SEMA6D: variants seen among roughly 807,000 people sequenced by gnomAD.
The protein encoded by SEMA6D is semaphorin 6D, also known as semaphorin-6D.
SEMA6D carries 35 observed loss-of-function variants against 106.6 expected under a neutral mutation model. The observed-to-expected ratio is 0.33, with a 90% CI of 0.25 to 0.44. The LOEUF (loss-of-function observed/expected upper bound fraction) is 0.44, where lower values mean the gene tolerates loss of function less well. SEMA6D is among the 20% of genes least tolerant of loss of function. The probability of loss-of-function intolerance (pLI) is 1.00; values close to 1 mark genes in which losing one functional copy is unlikely to be tolerated. For synonymous variants in SEMA6D, 499 were observed against 487.7 expected, an observed-to-expected ratio of 1.02 and a Z score of -0.31; for missense variants, 1,185 against 1,345.9, an observed-to-expected ratio of 0.88 and a Z score of 1.87.
intron 3 of SEMA6D, among the ~76,000 whole-genome samples, chr15:47,553,369 A>G (rs1384529806): frequency 1.3e-5 from 2 of 152,226 alleles, no homozygotes; most frequent in East Asian, 1.9e-4. Context: ...ATTTAACTAT[A>G]TGGCTGTAAA....
At chr15:47,606,542 C>G (rs576818951) in intron 4 of SEMA6D, among the ~76,000 whole-genome samples, 1 of 152,246 alleles carries the variant, frequency 6.6e-6, no homozygotes, top group African/African-American at 2.4e-5. Context: ...TTCTCTTGGT[C>G]ACAAAGACCA....
intron 1 of SEMA6D, among the ~76,000 whole-genome samples, chr15:47,288,589 G>A (rs2035467561): frequency 1.3e-5 from 2 of 152,148 alleles, no homozygotes; most frequent in Non-Finnish European, 2.9e-5. Context: ...ATGGCCTTTT[G>A]CCATTCAATA....
intron 1 of SEMA6D, among the ~76,000 whole-genome samples, chr15:47,255,366 TTTAC>T (rs1389870048): frequency 1.3e-5 from 2 of 151,878 alleles, no homozygotes; most frequent in Non-Finnish European, 2.9e-5. Context: ...ATGTGTCAAT[TTTAC>T]TTATTTTTTT....
intron 3 of SEMA6D, among the ~76,000 whole-genome samples, chr15:47,507,507 C>T (rs531342068): frequency 1.1e-4 from 17 of 152,318 alleles, no homozygotes; most frequent in African/African-American, 4.1e-4. Context: ...CCTGCCACTC[C>T]AGTGTTGTTC....
chr15:47,289,760 G>A (rs1413630829), intron 1 of SEMA6D, among the ~76,000 whole-genome samples: 3 of 151,930 alleles, frequency 2.0e-5, no homozygotes, highest in African/African-American at 7.3e-5. Context: ...AAAATCTTAG[G>A]GCATTATGAG....
At chr15:47,522,181 T>G (rs1482766521) in intron 3 of SEMA6D, among the ~76,000 whole-genome samples, 2 of 152,240 alleles carry the variant, frequency 1.3e-5, no homozygotes, top group Middle Eastern at 3.2e-3. Context: ...TCCATGCACT[T>G]GGAGTTTAGA....
At chr15:47,553,164 A>G (rs1566883584) in intron 3 of SEMA6D, among the ~76,000 whole-genome samples, 1 of 151,454 alleles carries the variant, frequency 6.6e-6, no homozygotes, top group Non-Finnish European at 1.5e-5. Context: ...TTGACCTCCA[A>G]AAGTGCTGGG....
rs778863863 is a variant in SEMA6D, at chr15:47,770,490, A to G, written c.1934-7A>G. 3.8e-6 allele frequency: 6 copies of G among 1,576,274 alleles called. No homozygotes were observed. Among genetic ancestry groups the G allele is most frequent in the Middle Eastern group, 1.7e-4 (1 of 5,902 alleles). ...CTTATTCACATTGTCCCATGTGTCT[A>G]TTTCAGGTGTACGATGGGAAGTCCA... On this transcript the variant is annotated splice_polypyrimidine_tract_variant and splice_region_variant and intron_variant, in intron 18 of 18. Transcript: ENST00000536845.
chr15:47,229,112 C>T (rs1322698158), intron 1 of SEMA6D, among the ~76,000 whole-genome samples: 1 of 152,028 alleles, frequency 6.6e-6, no homozygotes, highest in Admixed American at 6.6e-5. Flanking sequence ...CTGACTCCAA[C>T]ATGAGGCTCT....
At chr15:47,245,848 GA>G (rs1156837092) in intron 1 of SEMA6D, among the ~76,000 whole-genome samples, 3 of 151,882 alleles carry the variant, frequency 2.0e-5, no homozygotes, top group Admixed American at 2.0e-4. Context: ...TATCCATCAA[GA>G]AAAAAAATTT....
intron 3 of SEMA6D, among the ~76,000 whole-genome samples, chr15:47,598,188 T>C (rs190740296): frequency 3.3e-5 from 5 of 152,218 alleles, no homozygotes; most frequent in African/African-American, 9.6e-5. Flanking sequence ...TTTCCATTTA[T>C]GCAAACTGTA....
rs2082650087 is a variant in SEMA6D, at chr15:47,772,004, A to G, written c.*219A>G. On this transcript the variant is annotated 3_prime_UTR_variant, in exon 19 of 19. Coordinates refer to ENST00000536845, the MANE Select transcript of SEMA6D (RefSeq NM_001358351.3). ...CTGAAAACAAAGGAAGGTGCTGGTC[A>G]TTCCATTTCTTTTGTTTGAAGCTAA... 1 of 545,222 alleles carries G rather than the reference A, an allele frequency of 1.8e-6. No individual in the cohort carries two copies. Among genetic ancestry groups the G allele is most frequent in the Non-Finnish European group, 3.2e-6 (1 of 309,010 alleles). The allele number at this position is 545,222 out of a possible 1,614,324, so 33.8% of individuals were successfully genotyped here.
chr15:47,270,839 C>CA (rs34796429), intron 1 of SEMA6D, among the ~76,000 whole-genome samples: 19,758 of 150,412 alleles, frequency 0.13, 1,671 homozygotes, highest in Middle Eastern at 0.31. Flanking sequence ...ACTAAAAATA[C>CA]AAAAAAAAAG....
At chr15:47,538,304 G>C (rs752822016) in intron 3 of SEMA6D, among the ~76,000 whole-genome samples, 2 of 152,088 alleles carry the variant, frequency 1.3e-5, no homozygotes, top group Non-Finnish European at 2.9e-5. Context: ...GGTATCAATA[G>C]ATATTTACTC....
chr15:47,364,681 C>T (rs909846656), intron 1 of SEMA6D, among the ~76,000 whole-genome samples: 3 of 152,110 alleles, frequency 2.0e-5, no homozygotes, highest in African/African-American at 7.2e-5. Context: ...CGGCCTCTTT[C>T]CAGTGCCCCT....
At chr15:47,550,538 T>G (rs1436525947) in intron 3 of SEMA6D, among the ~76,000 whole-genome samples, 1 of 152,174 alleles carries the variant, frequency 6.6e-6, no homozygotes, top group East Asian at 1.9e-4. Flanking sequence ...CCAAGGAATC[T>G]GAGTGTGTTG....
At chr15:47,452,249 G>A (rs910269009) in intron 2 of SEMA6D, among the ~76,000 whole-genome samples, 3 of 151,162 alleles carry the variant, frequency 2.0e-5, no homozygotes, top group Non-Finnish European at 4.4e-5. Flanking sequence ...GCTCTTCAGT[G>A]TCCATTCAGT....
chr15:47,458,965 TCATGG>T (rs1174818998), intron 2 of SEMA6D, among the ~76,000 whole-genome samples: 1 of 152,058 alleles, frequency 6.6e-6, no homozygotes, highest in Non-Finnish European at 1.5e-5. Flanking sequence ...CTCCTAGTAT[TCATGG>T]CTTTGTGTAA....
chr15:47,400,529 A>T (rs953392308), intron 1 of SEMA6D, among the ~76,000 whole-genome samples: 10 of 150,640 alleles, frequency 6.6e-5, no homozygotes, highest in Non-Finnish European at 1.5e-4. Context: ...TTTATTTAAC[A>T]TTCCTTGCAA....
Sources: gnomAD v4.1 joint callset for allele counts (sites outside exome capture counted in the v4.1 genomes callset) on GRCh38, gnomAD v4.1.1 for gene constraint, MANE v1.5 for transcripts, NCBI Gene and HGNC (gene_info 2026-07-23, HGNC 2026-07-21) for gene names.